FOCAD: variants seen among roughly 807,000 people sequenced by gnomAD.
FOCAD encodes focadhesin, also known as KIAA1797.
FOCAD carries 198 observed loss-of-function variants against 225.6 expected under a neutral mutation model. The observed-to-expected ratio is 0.88, with a 90% CI of 0.78 to 0.99. The LOEUF (loss-of-function observed/expected upper bound fraction) is 0.99, where lower values mean the gene tolerates loss of function less well. Among genes scored for constraint, FOCAD ranks in the 50% least tolerant of loss-of-function variants. FOCAD has a pLI of 0.00. For synonymous variants in FOCAD, 897 were observed against 755.0 expected (o/e 1.19, Z -3.08); for missense variants, 2,713 against 2,123.6 (o/e 1.28, Z -5.46).
At chr9:20,867,115 C>A (rs938283487) in intron 18 of FOCAD, 103 bp downstream of exon 18, 1 of 667,288 alleles carries the variant, frequency 1.5e-6, no homozygotes, top group East Asian at 2.7e-5. Flanking sequence ...ATATACATAA[C>A]CCTAGATCTG....
chr9:20,952,956 G>A, intron 34 of FOCAD, 29 bp from the exon 35 acceptor site: 3 of 1,581,504 alleles, frequency 1.9e-6, no homozygotes, highest in Non-Finnish European at 2.6e-6. Flanking sequence ...AAGTTCACTG[G>A]TTAATTTGAT....
At chr9:20,714,735 G>A (rs910679014) in intron 1 of FOCAD, among the ~76,000 whole-genome samples, 8 of 146,966 alleles carry the variant, frequency 5.4e-5, no homozygotes, top group African/African-American at 2.0e-4. Context: ...CTTTTCTTGT[G>A]AGCCCAGTAG....
At chr9:20,808,951 T>G (rs1822753813) in intron 11 of FOCAD, among the ~76,000 whole-genome samples, 1 of 152,286 alleles carries the variant, frequency 6.6e-6, no homozygotes, top group Non-Finnish European at 1.5e-5. Flanking sequence ...ATGTAAAATA[T>G]CCAAGCAATG....
At chr9:20,901,537 G>A (rs1832565010) in intron 21 of FOCAD, among the ~76,000 whole-genome samples, 1 of 151,648 alleles carries the variant, frequency 6.6e-6, no homozygotes, top group South Asian at 2.1e-4. Flanking sequence ...AAGCATATTT[G>A]TTAAGATCAC....
At chr9:20,740,411 A>C in intron 5 of FOCAD, 71 bp downstream of exon 5, 1 of 868,572 alleles carries the variant, frequency 1.2e-6, no homozygotes, top group Non-Finnish European at 1.8e-6. Context: ...GTGACATGAT[A>C]ATCCAGTAAG....
chr9:20,852,256 A>C (rs892886515), intron 15 of FOCAD, among the ~76,000 whole-genome samples: 2 of 151,748 alleles, frequency 1.3e-5, no homozygotes, highest in Non-Finnish European at 2.9e-5. Flanking sequence ...TTCTTTGTTG[A>C]ACTTGTAGAT....
chr9:20,864,226 T>A (rs1031463345), intron 16 of FOCAD, among the ~76,000 whole-genome samples: 1 of 152,088 alleles, frequency 6.6e-6, no homozygotes, highest in Non-Finnish European at 1.5e-5. Context: ...GAATTTAATT[T>A]TTCCCAGAGT....
intron 5 of FOCAD, among the ~76,000 whole-genome samples, chr9:20,753,658 G>A (rs913452649): frequency 2.0e-5 from 3 of 151,982 alleles, no homozygotes; most frequent in Non-Finnish European, 4.4e-5. Context: ...TTGGTATCAG[G>A]ATGATGCTGG....
At position 20,876,575 on chromosome 9, in the gene FOCAD, A is replaced by G. The variant is rs200754875; in HGVS notation, c.2317+1768A>G. On this transcript the variant is annotated intron_variant, in intron 19 of 43. Transcript: ENST00000338382. ...CCTTCGACTGAGAAAGAAGGGGAAG[A>G]GTTGAGATCGACAACTGTATTTGTT... Among the ~76,000 whole-genome samples, 6 of 152,302 alleles carry G rather than the reference A, an allele frequency of 3.9e-5. No homozygotes were observed. In the East Asian group the frequency reaches 9.7e-4, roughly 25 times the overall value.
At chr9:20,974,674 C>A in intron 35 of FOCAD, among the ~76,000 whole-genome samples, 1 of 148,318 alleles carries the variant, frequency 6.7e-6, no homozygotes, top group Non-Finnish European at 1.5e-5. Flanking sequence ...CTTCCCCCTT[C>A]TTTCAGCATC....
At chr9:20,750,161 A>T (rs762570164) in intron 5 of FOCAD, among the ~76,000 whole-genome samples, 1 of 152,140 alleles carries the variant, frequency 6.6e-6, no homozygotes, top group Admixed American at 6.6e-5. Flanking sequence ...GCTTCCCATG[A>T]TCCTGTTTAT....
chr9:20,886,605 A>G (rs980818880), intron 21 of FOCAD, among the ~76,000 whole-genome samples: 9 of 152,206 alleles, frequency 5.9e-5, no homozygotes, highest in African/African-American at 2.2e-4. Flanking sequence ...TTGGGTTAAG[A>G]TACTTGTTGC....
At chr9:20,986,755 T>C (rs1312339130) in intron 40 of FOCAD, among the ~76,000 whole-genome samples, 2 of 152,202 alleles carry the variant, frequency 1.3e-5, no homozygotes, top group African/African-American at 4.8e-5. Context: ...TTAACTTCAG[T>C]TTCCCAAAAC....
chr9:20,729,545 T>C (rs1409103637), intron 4 of FOCAD, among the ~76,000 whole-genome samples: 1 of 152,142 alleles, frequency 6.6e-6, no homozygotes, highest in African/African-American at 2.4e-5. Flanking sequence ...TTTAGATGTA[T>C]CTTTTGGGGG....
intron 11 of FOCAD, among the ~76,000 whole-genome samples, chr9:20,790,441 A>T (rs1820401287): frequency 6.6e-6 from 1 of 152,170 alleles, no homozygotes; most frequent in African/African-American, 2.4e-5. Context: ...TAGAGGAAAA[A>T]ATTTGATGGT....
chr9:20,881,760 A>G lies in FOCAD; in HGVS notation c.2318-111A>G. On this transcript the variant is annotated intron_variant, in intron 19 of 43. Transcript: ENST00000338382. ...TCAAGAGGTCTCTTTTTACCATGTA[A>G]GGTTTGGCCAGAAATGTAGCTTAGT... The G allele has an allele frequency of 2.9e-6, 3 of 1,047,754 alleles. No individual in the cohort carries two copies. In the South Asian group the frequency reaches 4.5e-5, roughly 16 times the overall value. 64.9% of individuals were successfully genotyped at this position (1,047,754 alleles called of 1,614,324 possible). A position where few individuals can be genotyped will look rare whatever the true frequency, so the allele number is the denominator to read the frequency against.
chr9:20,942,012 G>A (rs897249868), intron 28 of FOCAD, among the ~76,000 whole-genome samples: 2 of 152,090 alleles, frequency 1.3e-5, no homozygotes, highest in Non-Finnish European at 2.9e-5. Context: ...GGGAAATCAG[G>A]AATAAAGTTT....
chr9:20,738,053 A>G (rs1383631564), intron 4 of FOCAD, among the ~76,000 whole-genome samples: 1 of 152,212 alleles, frequency 6.6e-6, no homozygotes, highest in Non-Finnish European at 1.5e-5. Context: ...CTCAGTTACA[A>G]AAAGTTCTGA....
chr9:20,868,871 A>G (rs1052529042), intron 18 of FOCAD, among the ~76,000 whole-genome samples: 3 of 152,092 alleles, frequency 2.0e-5, no homozygotes, highest in Admixed American at 6.6e-5. Context: ...CTGAGGACCT[A>G]TCTCTTTATG....
Sources: allele counts gnomAD v4.1 joint callset (sites outside exome capture counted in the v4.1 genomes callset), GRCh38; gene constraint gnomAD v4.1.1; transcripts MANE v1.5; gene names NCBI Gene and HGNC (gene_info 2026-07-23, HGNC 2026-07-21).